COLEC11: variants seen among roughly 807,000 people sequenced by gnomAD.
COLEC11 encodes the protein collectin subfamily member 11.
In COLEC11, 20 loss-of-function variants were observed where a neutral mutation model predicts 27.3. The ratio of observed to expected loss-of-function variants is 0.73; its 90% CI spans 0.51 to 1.06. COLEC11 has a LOEUF of 1.06. COLEC11 is among the 50% of genes least tolerant of loss of function. COLEC11 has a pLI of 0.00. For missense variants in COLEC11, 310 were observed against 383.0 expected (o/e 0.81, Z 1.59); for synonymous variants, 163 against 154.7 (o/e 1.05, Z -0.40).
intron 3 of COLEC11, among the ~76,000 whole-genome samples, chr2:3,625,135 G>A (rs1190295895): frequency 2.6e-5 from 4 of 152,200 alleles, no homozygotes; most frequent in Non-Finnish European, 4.4e-5. Context: ...AAGGCGGCAA[G>A]GATTCTCTAT....
intron 3 of COLEC11, among the ~76,000 whole-genome samples, chr2:3,622,201 T>A (rs1664234772): frequency 6.7e-6 from 1 of 149,082 alleles, no homozygotes; most frequent in South Asian, 2.1e-4. Context: ...ATATATTAGC[T>A]GGGTGGTATG....
intron 2 of COLEC11, among the ~76,000 whole-genome samples, chr2:3,605,369 GGC>G (rs1438352855): frequency 2.2e-5 from 1 of 45,306 alleles, no homozygotes; most frequent in African/African-American, 1.0e-4. Context: ...CCGAGGAGGG[GGC>G]GGGGGAGTCA....
intron 3 of COLEC11, among the ~76,000 whole-genome samples, chr2:3,614,690 A>G (rs1663517213): frequency 1.3e-5 from 2 of 152,234 alleles, no homozygotes; most frequent in African/African-American, 2.4e-5. Context: ...TAAAACTCCT[A>G]AAGTTGCACA....
intron 3 of COLEC11, among the ~76,000 whole-genome samples, chr2:3,625,624 A>ATTTTTTTT (rs1572441099): frequency 2.6e-5 from 1 of 39,052 alleles, no homozygotes; most frequent in African/African-American, 1.3e-4. Flanking sequence ...CTTCTTTTTT[A>ATTTTTTTT]CTTTTTTTTT....
intron 6 of COLEC11, 84 bp downstream of exon 6, chr2:3,643,623 A>G (rs1002283945): frequency 2.6e-4 from 422 of 1,598,562 alleles, no homozygotes; most frequent in Non-Finnish European, 3.4e-4. Flanking sequence ...TGCCGTGCCC[A>G]CGCCTGCCCT....
At chr2:3,612,894 C>T (rs1191185748) in intron 2 of COLEC11, among the ~76,000 whole-genome samples, 2 of 152,078 alleles carry the variant, frequency 1.3e-5, no homozygotes, top group African/African-American at 4.8e-5. Flanking sequence ...TCATCCTTCC[C>T]TGAGTACCAA....
In COLEC11 at chr2:3,631,761, A is replaced by AGG. The variant is rs546245472; in HGVS notation, c.203-5770_203-5769dup. Among the ~76,000 whole-genome samples the AGG allele has an allele frequency of 1.2e-3, 181 of 151,384 alleles. 2 individuals are homozygous for AGG. The highest frequency in any genetic ancestry group is 3.3e-3 in the East Asian group (17 of 5,120). ...TCTGCTCGGAGGGGGCTCTGCTCGGAGGGCTCTGCCTGCTGCTTTGCACAC... is the reference window on the plus strand; with the variant it reads ...TCTGCTCGGAGGGGGCTCTGCTCGGAGGGGGCTCTGCCTGCTGCTTTGCACAC... On this transcript the variant is annotated intron_variant, in intron 3 of 6. Transcript: ENST00000349077.
chr2:3,602,818 C>T lies in COLEC11; in HGVS notation c.-26-1497C>T, dbSNP rs1380739040. Reference sequence around the variant, plus strand: ...GCTTTCTCTGAGCCGCCCTCACCCACCTGTCAGCGAGGCTTCCCTGGCAAC... The same window carrying T: ...GCTTTCTCTGAGCCGCCCTCACCCATCTGTCAGCGAGGCTTCCCTGGCAAC... On this transcript the variant is annotated intron_variant, in intron 1 of 6. Coordinates refer to ENST00000349077, the MANE Select transcript of COLEC11 (RefSeq NM_024027.5). The surrounding 1 kb of genome is among the most constrained non-coding windows in gnomAD (Gnocchi z 6.2). 1.3e-5 allele frequency among the ~76,000 whole-genome samples: 2 copies of T among 152,246 alleles called. No individual in the cohort carries two copies. The highest frequency in any genetic ancestry group is 2.9e-5 in the Non-Finnish European group (2 of 68,048).
At chr2:3,631,742 C>T (rs1184370353) in intron 3 of COLEC11, among the ~76,000 whole-genome samples, 2 of 151,920 alleles carry the variant, frequency 1.3e-5, no homozygotes, top group East Asian at 1.9e-4. Flanking sequence ...GGACTCTGCT[C>T]GGAGGGGGCT....
At chr2:3,603,466 G>A (rs547852948) in intron 1 of COLEC11, 114 of 601,880 alleles carry the variant, frequency 1.9e-4, no homozygotes, top group Middle Eastern at 1.3e-3. Context: ...AGAGGTGCCC[G>A]CCACCACACC....
chr2:3,606,076 T>C, intron 2 of COLEC11: 4 of 1,549,524 alleles, frequency 2.6e-6, no homozygotes, highest in Non-Finnish European at 3.5e-6. Flanking sequence ...AAAGTGGCTT[T>C]GGCCCTGACT....
At chr2:3,640,555 C>T (rs1234809255) in intron 5 of COLEC11, among the ~76,000 whole-genome samples, 4 of 90,140 alleles carry the variant, frequency 4.4e-5, no homozygotes, top group African/African-American at 2.4e-4. Context: ...CACCCACCCC[C>T]GTCACATCCC....
rs367680724 is a variant in COLEC11 at position 3,613,272 on chromosome 2, G to A, written c.131-39G>A. On this transcript the variant is annotated intron_variant, in intron 2 of 6. Coordinates refer to ENST00000349077, the MANE Select transcript of COLEC11 (RefSeq NM_024027.5). Reference sequence around the variant, plus strand: ...CAAATCACTCTGAGACGCTGTGCTGGCCAGACGAGCTGCTAAATGGATGTG... The same window carrying A: ...CAAATCACTCTGAGACGCTGTGCTGACCAGACGAGCTGCTAAATGGATGTG... The A allele has an allele frequency of 1.0e-5, 16 of 1,581,606 alleles. No homozygotes were observed. The African/African-American group carries it at 1.9e-4, about 19-fold the overall frequency.
chr2:3,619,004 G>A (rs1435174178), intron 3 of COLEC11, among the ~76,000 whole-genome samples: 3 of 152,094 alleles, frequency 2.0e-5, no homozygotes, highest in Admixed American at 6.6e-5. Flanking sequence ...ATTTTCGTGT[G>A]TTGATTTTGT....
chr2:3,625,773 C>T (rs1022646594), intron 3 of COLEC11, among the ~76,000 whole-genome samples: 2 of 151,888 alleles, frequency 1.3e-5, no homozygotes, highest in African/African-American at 4.8e-5. Context: ...TCTGGGATTA[C>T]AGGCGCCCAC....
chr2:3,637,544 G>A lies in COLEC11; in HGVS notation c.214G>A (p.Asp72Asn), dbSNP rs754456627. 6 of 1,613,980 alleles carry A rather than the reference G, an allele frequency of 3.7e-6. No homozygotes were observed. Among genetic ancestry groups the A allele is most frequent in the Non-Finnish European group, 5.1e-6 (6 of 1,179,976 alleles). ...GPTGEKGDMG[D>N]KGQKGSVGRH... The stretch of plus-strand genomic sequence containing the variant: ...ATTGTTTTCTACAGGAGACATGGGG[G>A]ACAAAGGACAGAAAGGCAGTGTGGG... The change falls in exon 4 of 7, where the codon GAC becomes AAC. Residue 72 changes from aspartate to asparagine, a missense_variant. By Grantham distance (23) the Asp-to-Asn change is conservative. Transcript: ENST00000349077.
intron 5 of COLEC11, among the ~76,000 whole-genome samples, chr2:3,642,069 T>C (rs1341708906): frequency 6.6e-6 from 1 of 152,146 alleles, no homozygotes; most frequent in Non-Finnish European, 1.5e-5. Context: ...CCGGAGGGAA[T>C]CGGTTGGCAG....
intron 2 of COLEC11, chr2:3,606,025 T>TA (rs1662664156): frequency 2.6e-6 from 4 of 1,529,366 alleles, no homozygotes; most frequent in Non-Finnish European, 3.5e-6. Context: ...GGAAGCAACT[T>TA]AAACTGTTGG....
At chr2:3,637,977 A>G (rs1056330567) in intron 4 of COLEC11, among the ~76,000 whole-genome samples, 1 of 152,178 alleles carries the variant, frequency 6.6e-6, no homozygotes, top group African/African-American at 2.4e-5. Context: ...GAGGCACGGC[A>G]TCTGTTCCCC....
Sources: gnomAD v4.1 joint callset for allele counts (sites outside exome capture counted in the v4.1 genomes callset) on GRCh38, gnomAD v4.1.1 for gene constraint, Gnocchi (gnomAD v3.1) non-coding constraint, MANE v1.5 for transcripts, NCBI Gene and HGNC (gene_info 2026-07-23, HGNC 2026-07-21) for gene names.